Variants in CWC22 observed in about 807,000 individuals in gnomAD.
CWC22 encodes the protein pre-mRNA-splicing factor CWC22 homolog.
In CWC22, 53 loss-of-function variants were observed where a neutral mutation model predicts 117.2. That is an observed-to-expected ratio of 0.45 (90% CI 0.36 to 0.57). The LOEUF (loss-of-function observed/expected upper bound fraction) is 0.57, where lower values mean the gene tolerates loss of function less well. Among genes scored for constraint, CWC22 ranks in the 20% least tolerant of loss-of-function variants. CWC22 has a pLI of 0.00. For synonymous variants in CWC22, 360 were observed against 355.6 expected (o/e 1.01, Z -0.14); for missense variants, 980 against 1,068.8 (o/e 0.92, Z 1.16).
chr2:179,999,938 C>T (rs1191484143), intron 1 of CWC22, among the ~76,000 whole-genome samples: 2 of 152,050 alleles, frequency 1.3e-5, no homozygotes, highest in South Asian at 4.1e-4. Flanking sequence ...GGGGACATAA[C>T]GGAACGGAAT....
intron 13 of CWC22, among the ~76,000 whole-genome samples, chr2:179,961,767 A>AC (rs375210477): frequency 1.9e-4 from 29 of 151,662 alleles, no homozygotes; most frequent in African/African-American, 5.3e-4. Context: ...GTATTTAATG[A>AC]CCCCCCCTAC....
intron 1 of CWC22, among the ~76,000 whole-genome samples, chr2:180,003,718 G>C (rs897566291): frequency 3.3e-5 from 5 of 152,114 alleles, no homozygotes; most frequent in Admixed American, 1.3e-4. Flanking sequence ...ACTCTGTCTA[G>C]CTCCACCCAT....
intron 1 of CWC22, among the ~76,000 whole-genome samples, chr2:180,001,717 T>C (rs1439496306): frequency 6.6e-6 from 1 of 152,200 alleles, no homozygotes; most frequent in Non-Finnish European, 1.5e-5. Flanking sequence ...TGTTACACAG[T>C]AACTTTTTTT....
chr2:179,969,495 G>T (rs187077438), intron 11 of CWC22, among the ~76,000 whole-genome samples: 6 of 152,304 alleles, frequency 3.9e-5, no homozygotes, highest in Admixed American at 2.6e-4. Flanking sequence ...TGCAGACAGA[G>T]ACAGAGTTCT....
At chr2:179,956,709 T>C (rs1686600235) in intron 14 of CWC22, among the ~76,000 whole-genome samples, 1 of 151,668 alleles carries the variant, frequency 6.6e-6, no homozygotes, top group Non-Finnish European at 1.5e-5. Context: ...CATAAAGTAC[T>C]AAAAACTAAA....
At chr2:179,969,030 C>A (rs1026999672) in intron 11 of CWC22, among the ~76,000 whole-genome samples, 13 of 151,986 alleles carry the variant, frequency 8.6e-5, no homozygotes, top group African/African-American at 3.1e-4. Context: ...TTTGGAGTTG[C>A]CAATAATTTT....
intron 13 of CWC22, among the ~76,000 whole-genome samples, chr2:179,960,094 T>G (rs1686708937): frequency 6.6e-6 from 1 of 152,216 alleles, no homozygotes; most frequent in Non-Finnish European, 1.5e-5. Flanking sequence ...TTATCGAATG[T>G]TTTCCCACTA....
chr2:179,955,934 G>A (rs1181849930), intron 14 of CWC22, among the ~76,000 whole-genome samples: 1 of 151,940 alleles, frequency 6.6e-6, no homozygotes, highest in Non-Finnish European at 1.5e-5. Flanking sequence ...TACGATCAGT[G>A]TAATCTTTTC....
chr2:179,945,029 C>G lies in CWC22; in HGVS notation c.*100G>C, dbSNP rs754181079. 3 of 773,206 alleles carry G rather than the reference C, an allele frequency of 3.9e-6. No homozygotes were observed. Among genetic ancestry groups the G allele is most frequent in the Non-Finnish European group, 5.9e-6 (3 of 507,610 alleles). 47.9% of individuals were successfully genotyped at this position (773,206 alleles called of 1,614,324 possible). A position where few individuals can be genotyped will look rare whatever the true frequency, so the allele number is the denominator to read the frequency against. Reference sequence around the variant, plus strand: ...ATTTTTTAAATTTACAAATACAAACCAATACTTTATACAAGAATTCTCTAT... The same window carrying G: ...ATTTTTTAAATTTACAAATACAAACGAATACTTTATACAAGAATTCTCTAT... On this transcript the variant is annotated 3_prime_UTR_variant, in exon 20 of 20. Coordinates refer to ENST00000410053, the MANE Select transcript of CWC22 (RefSeq NM_020943.3).
At chr2:179,954,888 C>A (rs986824656) in intron 15 of CWC22, 69 bp downstream of exon 15, 2 of 948,960 alleles carry the variant, frequency 2.1e-6, no homozygotes, top group African/African-American at 3.3e-5. Flanking sequence ...TGAGACCAGA[C>A]CATAAAGCAG....
At position 179,955,027 on chromosome 2, in the gene CWC22, A is replaced by G. The variant is rs1043858571; in HGVS notation, c.1466T>C (p.Leu489Pro). Reference protein sequence around the residue: ...MEFPESQTKELCNMILDCCAQ... With the variant: ...MEFPESQTKEPCNMILDCCAQ... ...ACAGCAATCAAGTATCATGTTGCAG[A>G]GTTCTTTCTATTTGGGAAAAAAAAT... The change falls in exon 15 of 20, where the codon CTC (leucine) becomes CCC (proline). Residue 489 changes from leucine to proline, a missense_variant. By Grantham distance (98) the Leu-to-Pro change is moderately conservative. Around this residue, in one of 3 missense-constraint regions of CWC22, gnomAD observed 559 missense variants for 602.3 expected, o/e 0.93. Transcript: ENST00000410053. 2.5e-6 allele frequency: 4 copies of G among 1,595,130 alleles called. No homozygotes were observed. The highest frequency in any genetic ancestry group is 3.4e-6 in the Non-Finnish European group (4 of 1,169,364).
intron 14 of CWC22, among the ~76,000 whole-genome samples, chr2:179,957,847 A>G (rs1473997043): frequency 6.6e-6 from 1 of 152,066 alleles, no homozygotes; most frequent in Admixed American, 6.6e-5. Flanking sequence ...CATTAGAAAA[A>G]AAAAAACAGA....
chr2:179,971,408 C>T (rs1423867061), intron 8 of CWC22, among the ~76,000 whole-genome samples: 1 of 152,004 alleles, frequency 6.6e-6, no homozygotes, highest in African/African-American at 2.4e-5. Context: ...AAATCATATA[C>T]TACTTTCTAA....
chr2:180,005,710 C>A (rs1182479524), intron 1 of CWC22, among the ~76,000 whole-genome samples: 1 of 152,210 alleles, frequency 6.6e-6, no homozygotes, highest in Non-Finnish European at 1.5e-5. Context: ...TAGTAATTTA[C>A]AATAATACAA....
At chr2:180,006,457 T>G (rs1411421552) in intron 1 of CWC22, among the ~76,000 whole-genome samples, 1 of 152,214 alleles carries the variant, frequency 6.6e-6, no homozygotes, top group African/African-American at 2.4e-5. Context: ...GGATCAAGAA[T>G]GACAGATGAA....
chr2:179,956,215 G>C (rs1208082168), intron 14 of CWC22, among the ~76,000 whole-genome samples: 2 of 151,932 alleles, frequency 1.3e-5, no homozygotes, highest in African/African-American at 4.8e-5. Flanking sequence ...AGGACTTAGA[G>C]CAAGAGGTAG....
At chr2:179,947,927 T>C (rs7592953) in intron 19 of CWC22, among the ~76,000 whole-genome samples, 99,446 of 152,008 alleles carry the variant, frequency 0.65, 33,014 homozygotes, top group Middle Eastern at 0.71. Flanking sequence ...AAGCAGACAA[T>C]CCCTTATTTG....
At chr2:179,987,646 G>A (rs1306705300) in intron 3 of CWC22, among the ~76,000 whole-genome samples, 1 of 152,084 alleles carries the variant, frequency 6.6e-6, no homozygotes, top group Non-Finnish European at 1.5e-5. Flanking sequence ...TGTGGAGTAA[G>A]GAAGCCTAGA....
chr2:179,954,858 A>T, intron 15 of CWC22, 99 bp downstream of exon 15: 1 of 734,782 alleles, frequency 1.4e-6, no homozygotes, highest in Non-Finnish European at 2.3e-6. Context: ...TTTTAGCAAA[A>T]GTGGTAATAT....
Sources: gnomAD v4.1 joint callset for allele counts (sites outside exome capture counted in the v4.1 genomes callset) on GRCh38, gnomAD v4.1.1 for gene constraint, gnomAD v4.1.1 regional missense constraint, MANE v1.5 for transcripts, NCBI Gene and HGNC (gene_info 2026-07-23, HGNC 2026-07-21) for gene names.